ZC3H18: variants seen among roughly 807,000 people sequenced by gnomAD.
ZC3H18 encodes the protein zinc finger CCCH domain-containing protein 18.
A neutral mutation model predicts 106.1 loss-of-function variants in ZC3H18; 8 were observed. The ratio of observed to expected loss-of-function variants is 0.08; its 90% CI spans 0.04 to 0.14. ZC3H18 has a LOEUF of 0.14. ZC3H18 is among the 10% of genes least tolerant of loss of function. The pLI, the probability that ZC3H18 is intolerant of heterozygous loss-of-function variation, is 1.00. For missense variants in ZC3H18, 1,318 were observed against 1,278.4 expected (o/e 1.03, Z -0.47); for synonymous variants, 635 against 522.1 (o/e 1.22, Z -2.95).
At chr16:88,622,586 A>G (rs926155268) in intron 9 of ZC3H18, 198 bp downstream of exon 9, 7 of 616,324 alleles carry the variant, frequency 1.1e-5, no homozygotes, top group Non-Finnish European at 1.9e-5. Flanking sequence ...GGACTGACGC[A>G]GTGACCCCAA....
Position 88,598,409 on chromosome 16 carries a change from G to C in ZC3H18, c.837+83G>C, listed in dbSNP as rs533778526. The stretch of plus-strand genomic sequence containing the variant: ...TCTCAAGCTTAAGACAAGTCACTGT[G>C]CCTTAGCACAGGCTCAGTGCCCCCT... On this transcript the variant is annotated intron_variant, in intron 4 of 17. Coordinates refer to ENST00000301011, the MANE Select transcript of ZC3H18 (RefSeq NM_144604.4). 9.2e-5 allele frequency: 141 copies of C among 1,534,308 alleles called. No homozygotes were observed. In the East Asian group the frequency reaches 2.6e-3, roughly 29 times the overall value.
chr16:88,577,709 G>A lies in ZC3H18; in HGVS notation c.586G>A (p.Asp196Asn), dbSNP rs762451189. The change falls in exon 2 of 18, where the codon GAT becomes AAT. Residue 196 changes from aspartate to asparagine, a missense_variant. Coordinates refer to ENST00000301011, the MANE Select transcript of ZC3H18 (RefSeq NM_144604.4). ...GAAAGAGGACGATGATGGAGAAATC[G>A]ATGATGGGGAAATAGACGTGAGTAT... ...KKKEDDDGEI[D>N]DGEIDDDDLE... The A allele has an allele frequency of 4.3e-6, 7 of 1,613,364 alleles. No individual in the cohort carries two copies. The highest frequency in any genetic ancestry group is 1.8e-4 in the Middle Eastern group (1 of 5,556).
At chr16:88,606,383 G>A (rs747693457) in intron 6 of ZC3H18, among the ~76,000 whole-genome samples, 2 of 152,240 alleles carry the variant, frequency 1.3e-5, no homozygotes, top group Non-Finnish European at 2.9e-5. Flanking sequence ...CTGAGGAAAT[G>A]CTGTGTGCCT....
At chr16:88,611,167 T>G in intron 7 of ZC3H18, 101 bp from the exon 8 acceptor site, 1 of 689,166 alleles carries the variant, frequency 1.5e-6, no homozygotes, top group Non-Finnish European at 2.7e-6. Context: ...GGTGTGATTC[T>G]GTGACACAGA....
intron 3 of ZC3H18, among the ~76,000 whole-genome samples, chr16:88,593,775 G>C (rs1336197235): frequency 2.0e-5 from 3 of 152,222 alleles, no homozygotes; most frequent in Non-Finnish European, 4.4e-5. Flanking sequence ...GGAGAACAAC[G>C]GACAGTGTTA....
At chr16:88,621,293 C>T (rs1213909712) in intron 8 of ZC3H18, among the ~76,000 whole-genome samples, 4 of 151,514 alleles carry the variant, frequency 2.6e-5, no homozygotes, top group African/African-American at 4.9e-5. Context: ...GGCGCGATCT[C>T]GGCTCACTGC....
intron 3 of ZC3H18, among the ~76,000 whole-genome samples, chr16:88,589,855 A>G (rs1915639085): frequency 6.6e-6 from 1 of 152,242 alleles, no homozygotes; most frequent in Admixed American, 6.5e-5. Flanking sequence ...GGGGTGATGG[A>G]ATGTTCTAGA....
chr16:88,600,949 C>T (rs1189770420), intron 6 of ZC3H18, among the ~76,000 whole-genome samples: 1 of 152,226 alleles, frequency 6.6e-6, no homozygotes, highest in Non-Finnish European at 1.5e-5. Context: ...ATTAGGGAAT[C>T]ATAATCACTA....
intron 6 of ZC3H18, among the ~76,000 whole-genome samples, chr16:88,604,545 G>A (rs561069832): frequency 2.6e-5 from 4 of 152,136 alleles, no homozygotes; most frequent in African/African-American, 9.6e-5. Flanking sequence ...AATTAGCCAG[G>A]CGTGGTGGCG....
intron 7 of ZC3H18, among the ~76,000 whole-genome samples, chr16:88,609,610 T>C (rs541955762): frequency 6.6e-6 from 1 of 151,858 alleles, no homozygotes; most frequent in South Asian, 2.1e-4. Flanking sequence ...CCTGGGTTGT[T>C]TGTTTTGGAG....
intron 9 of ZC3H18, chr16:88,622,779 G>A (rs939184205): frequency 3.5e-6 from 1 of 283,782 alleles, no homozygotes; most frequent in African/African-American, 2.2e-5. Flanking sequence ...CAGCACACAG[G>A]AGCCCGGCTC....
At chr16:88,629,806 G>A (rs1906545494) in intron 16 of ZC3H18, among the ~76,000 whole-genome samples, 1 of 152,232 alleles carries the variant, frequency 6.6e-6, no homozygotes, top group Non-Finnish European at 1.5e-5. Context: ...CCAGATAGAG[G>A]ACAAGGGGGC....
chr16:88,624,177 CAG>C (rs1567598920), intron 11 of ZC3H18, 115 bp downstream of exon 11: 4 of 1,436,332 alleles, frequency 2.8e-6, no homozygotes, highest in East Asian at 4.6e-5. Flanking sequence ...GAGGATGCCT[CAG>C]GGGGCTGGCC....
At chr16:88,581,537 G>A (rs1033879416) in intron 2 of ZC3H18, among the ~76,000 whole-genome samples, 4 of 152,218 alleles carry the variant, frequency 2.6e-5, no homozygotes, top group African/African-American at 4.8e-5. Flanking sequence ...GCTGGCCTGC[G>A]TGGTGGGGTG....
At chr16:88,624,883 T>C (rs930486563) in intron 12 of ZC3H18, 138 bp downstream of exon 12, 5 of 1,306,222 alleles carry the variant, frequency 3.8e-6, no homozygotes, top group Non-Finnish European at 5.1e-6. Context: ...CAGCACCCAG[T>C]GAGCCCTTAC....
chr16:88,598,429 C>T lies in ZC3H18; in HGVS notation c.837+103C>T, dbSNP rs1291801235. The T allele has an allele frequency of 5.3e-6, 8 of 1,507,100 alleles. No individual in the cohort carries two copies. In the East Asian group the frequency reaches 1.4e-4, roughly 26 times the overall value. The allele number at this position is 1,507,100 out of a possible 1,614,324, so 93.4% of individuals were successfully genotyped here. A position where few individuals can be genotyped will look rare whatever the true frequency, so the allele number is the denominator to read the frequency against. On this transcript the variant is annotated intron_variant, in intron 4 of 17. Coordinates refer to ENST00000301011, the MANE Select transcript of ZC3H18 (RefSeq NM_144604.4). Reference sequence around the variant, plus strand: ...ACTGTGCCTTAGCACAGGCTCAGTGCCCCCTTTCGGCTGCTTCTGTCGTCC... The same window carrying T: ...ACTGTGCCTTAGCACAGGCTCAGTGTCCCCTTTCGGCTGCTTCTGTCGTCC...
intron 2 of ZC3H18, among the ~76,000 whole-genome samples, chr16:88,580,761 T>A (rs995579059): frequency 4.6e-5 from 7 of 152,148 alleles, no homozygotes; most frequent in Non-Finnish European, 8.8e-5. Flanking sequence ...CCACCAGGCC[T>A]TTCGCCCGGT....
At chr16:88,631,032 G>T in intron 17 of ZC3H18, 69 bp from the exon 18 acceptor site, 1 of 1,592,834 alleles carries the variant, frequency 6.3e-7, no homozygotes, top group South Asian at 1.1e-5. Context: ...GCGCCCCTAC[G>T]GGGAGGTCAC....
intron 7 of ZC3H18, 141 bp from the exon 8 acceptor site, chr16:88,611,127 G>A: frequency 3.0e-6 from 2 of 677,644 alleles, no homozygotes; most frequent in South Asian, 3.5e-5. Flanking sequence ...GGGAGCACTT[G>A]GCGTTTTGTG....
Sources: allele counts gnomAD v4.1 joint callset (sites outside exome capture counted in the v4.1 genomes callset), GRCh38; gene constraint gnomAD v4.1.1; transcripts MANE v1.5; gene names NCBI Gene and HGNC (gene_info 2026-07-23, HGNC 2026-07-21).